Variants in SUGP2 observed in about 807,000 individuals in gnomAD.
SUGP2 encodes the protein SURP and G-patch domain-containing protein 2.
In SUGP2, 24 loss-of-function variants were observed where a neutral mutation model predicts 90.5. The ratio of observed to expected loss-of-function variants is 0.27; its 90% CI spans 0.19 to 0.37. SUGP2 has a LOEUF of 0.37. Ranked by LOEUF, SUGP2 falls within the 10% of genes least tolerant of loss-of-function variation. The pLI is 1.00. For synonymous variants in SUGP2, 473 were observed against 513.4 expected (o/e 0.92, Z 1.06); for missense variants, 1,233 against 1,363.3 (o/e 0.90, Z 1.51).
chr19:18,995,773 T>C (rs1239621164), intron 8 of SUGP2, among the ~76,000 whole-genome samples: 1 of 152,100 alleles, frequency 6.6e-6, no homozygotes, highest in Non-Finnish European at 1.5e-5. Flanking sequence ...AGTGCTTCAT[T>C]CACTCCCTGG....
Position 19,010,149 on chromosome 19 carries a change from G to C in SUGP2, c.2044C>G (p.Leu682Val). The C allele has an allele frequency of 6.2e-7, 1 of 1,612,722 alleles. No homozygotes were observed. Among genetic ancestry groups the C allele is most frequent in the African/African-American group, 1.3e-5 (1 of 74,968 alleles). Residue 682 changes from leucine (L) to valine (V), a missense_variant, in exon 5 of 11, where the codon CTC (leucine) becomes GTC (valine). Leu to Val is a conservative substitution (Grantham distance 32). Transcript: ENST00000452918. ...CCCCGGAGCCCTTGAGCACGGAGGA[G>C]CCCCCGCCGCTGCCACGGAAGGAGT... The part of the protein sequence containing the change: ...KKLLPWQRRG[L>V]LRAQGLRGWK...
intron 4 of SUGP2, among the ~76,000 whole-genome samples, chr19:19,014,369 T>G (rs1047859797): frequency 2.0e-5 from 3 of 152,092 alleles, no homozygotes; most frequent in Non-Finnish European, 2.9e-5. Flanking sequence ...TCCACAAGGC[T>G]CCAGTGGGAA....
chr19:18,994,984 T>C (rs752367430), intron 9 of SUGP2, 160 bp downstream of exon 9: 8 of 830,880 alleles, frequency 9.6e-6, no homozygotes, highest in Non-Finnish European at 1.3e-5. Flanking sequence ...CACCTGCACA[T>C]GTAAATGATC....
chr19:19,014,212 CA>C (rs2058409543), intron 4 of SUGP2, among the ~76,000 whole-genome samples: 1 of 152,144 alleles, frequency 6.6e-6, no homozygotes, highest in Non-Finnish European at 1.5e-5. Context: ...AGGCTGGTCT[CA>C]AATTCCTGAC....
rs763972693 is a variant in SUGP2 at position 19,004,333 on chromosome 19, C to A, written c.2764G>T (p.Asp922Tyr). The A allele has an allele frequency of 1.9e-6, 3 of 1,613,370 alleles. No individual in the cohort carries two copies. Among genetic ancestry groups the A allele is most frequent in the Non-Finnish European group, 2.5e-6 (3 of 1,179,572 alleles). Residue 922 changes from aspartate (D) to tyrosine (Y), a missense_variant, in exon 7 of 11, where the codon GAC becomes TAC. Asp to Tyr is a radical substitution (Grantham distance 160). Coordinates refer to ENST00000452918, the MANE Select transcript of SUGP2 (RefSeq NM_001017392.5). The stretch of plus-strand genomic sequence containing the variant: ...TCGGCAGCCTCGCCGGGAAGGCCGT[C>A]GGCAGGGGTGCTGCCCTCAGACTTG... ...AGKSEGSTPA[D>Y]GLPGEAAEDD...
intron 3 of SUGP2, 141 bp from the exon 4 acceptor site, chr19:19,019,370 AT>A (rs1231303178): frequency 2.1e-5 from 20 of 935,062 alleles, no homozygotes; most frequent in Non-Finnish European, 2.9e-5. Flanking sequence ...AGACACCAGC[AT>A]TGAAAAGAGG....
At chr19:19,018,524 A>G (rs746988206) in intron 4 of SUGP2, among the ~76,000 whole-genome samples, 19 of 151,422 alleles carry the variant, frequency 1.3e-4, no homozygotes, top group Admixed American at 7.2e-4. Flanking sequence ...CATCTCTACT[A>G]AAAACACAAA....
chr19:19,031,175 AG>A, intron 1 of SUGP2, 93 bp from the exon 2 acceptor site: 1 of 1,359,104 alleles, frequency 7.4e-7, no homozygotes, highest in South Asian at 1.4e-5. Context: ...TGGGAGGTCG[AG>A]GTGGGCGGAT....
At position 19,025,630 on chromosome 19, in the gene SUGP2, C is replaced by T. The variant is rs1384722822; in HGVS notation, c.718G>A (p.Gly240Ser). ...CTCAATGTGACAAGTTTCCCAACACCCCCCTTAGCTGTGAGCAGGCCCTGA... is the reference window on the plus strand; with the variant it reads ...CTCAATGTGACAAGTTTCCCAACACTCCCCTTAGCTGTGAGCAGGCCCTGA... ...ETQGLLTAKGGVGKLVTLRNV... is the reference protein window; with the variant it reads ...ETQGLLTAKGSVGKLVTLRNV... Residue 240 changes from glycine (G) to serine (S), a missense_variant, in exon 3 of 11, where the codon GGT becomes AGT. Physicochemically the swap from Gly to Ser is moderately conservative, Grantham distance 56. Around this residue, in one of 8 missense-constraint regions of SUGP2, gnomAD observed 418 missense variants for 399.9 expected, o/e 1.05. Transcript: ENST00000452918. The T allele has an allele frequency of 1.9e-6, 3 of 1,613,946 alleles. No homozygotes were observed. Among genetic ancestry groups the T allele is most frequent in the Admixed American group, 1.7e-5 (1 of 59,966 alleles).
chr19:18,991,311 C>G lies in SUGP2; in HGVS notation c.*2430G>C, dbSNP rs961027142. The G allele has an allele frequency of 6.6e-6, 1 of 152,522 alleles. No homozygotes were observed. Among genetic ancestry groups the G allele is most frequent in the Non-Finnish European group, 1.5e-5 (1 of 68,304 alleles). The allele number at this position is 152,522 out of a possible 1,614,324, so 9.4% of individuals were successfully genotyped here. ...GAGGGCCAGTGGCATCTCCTCTATCCCGGCTGGCCGGCAGCTGGCAGCACG... is the reference window on the plus strand; with the variant it reads ...GAGGGCCAGTGGCATCTCCTCTATCGCGGCTGGCCGGCAGCTGGCAGCACG... On this transcript the variant is annotated 3_prime_UTR_variant, in exon 11 of 11. Transcript: ENST00000452918.
intron 6 of SUGP2, 52 bp downstream of exon 6, chr19:19,008,265 T>C (rs929763020): frequency 4.9e-6 from 7 of 1,436,048 alleles, no homozygotes; most frequent in African/African-American, 4.2e-5. Flanking sequence ...ATCCTTAGAC[T>C]TTGTCTCTCT....
intron 8 of SUGP2, among the ~76,000 whole-genome samples, chr19:18,998,192 C>T (rs1046498276): frequency 6.6e-6 from 1 of 152,246 alleles, no homozygotes; most frequent in Non-Finnish European, 1.5e-5. Context: ...GCCCTCTCCC[C>T]TACAAAGAGG....
At chr19:19,026,723 C>T (rs539640037) in intron 2 of SUGP2, among the ~76,000 whole-genome samples, 1 of 152,328 alleles carries the variant, frequency 6.6e-6, no homozygotes, top group Admixed American at 6.5e-5. Context: ...CCTGCCTTCA[C>T]TGCCTCTTAG....
intron 2 of SUGP2, among the ~76,000 whole-genome samples, chr19:19,029,551 G>A (rs1178353239): frequency 4.0e-5 from 6 of 149,870 alleles, no homozygotes; most frequent in Non-Finnish European, 7.4e-5. Context: ...GCATTATCCC[G>A]CCTCAGCCTC....
intron 7 of SUGP2, among the ~76,000 whole-genome samples, chr19:19,002,402 G>C (rs2057872786): frequency 6.7e-6 from 1 of 149,518 alleles, no homozygotes; most frequent in African/African-American, 2.5e-5. Flanking sequence ...AAGAATTAAA[G>C]TCTGCCTAAA....
chr19:19,025,840 A>G lies in SUGP2; in HGVS notation c.508T>C (p.Leu170=), dbSNP rs768091386. ...AGCCTGGAAGATCCAAAGTCCCCCA[A>G]AACTGCAGAGGGACCAAAACTATAC... is the stretch of plus-strand genomic sequence containing the variant. The part of the protein sequence containing the change: ...QEYSFGPSAV[L]GDFGSSRLIE... Residue 170 remains leucine (L), a synonymous_variant, in exon 3 of 11, where the codon TTG becomes CTG. Coordinates refer to ENST00000452918, the MANE Select transcript of SUGP2 (RefSeq NM_001017392.5). The G allele has an allele frequency of 6.2e-7, 1 of 1,614,050 alleles. No individual in the cohort carries two copies. The highest frequency in any genetic ancestry group is 1.7e-5 in the Admixed American group (1 of 59,994).
At chr19:19,029,380 C>A (rs569983815) in intron 2 of SUGP2, among the ~76,000 whole-genome samples, 1 of 151,168 alleles carries the variant, frequency 6.6e-6, no homozygotes, top group Non-Finnish European at 1.5e-5. Flanking sequence ...GTGATCCGCC[C>A]GCCTCGGCCT....
intron 5 of SUGP2, among the ~76,000 whole-genome samples, chr19:19,009,359 GAGAA>G (rs2058212793): frequency 6.8e-6 from 1 of 146,494 alleles, no homozygotes; most frequent in Admixed American, 6.6e-5. Context: ...GTGGTACAGA[GAGAA>G]AGAAACAGCT....
At position 19,004,521 on chromosome 19, in the gene SUGP2, C is replaced by A; in HGVS notation, c.2576G>T (p.Gly859Val). ...NLHTGGGDTT[G>V]SQESPVDLME... ...GAGGTCCACGGGGCTCTCCTGAGAACCCGTGGTGTCACCACCACCAGTGTG... is the reference window on the plus strand; with the variant it reads ...GAGGTCCACGGGGCTCTCCTGAGAAACCGTGGTGTCACCACCACCAGTGTG... Residue 859 changes from glycine (G) to valine (V), a missense_variant, in exon 7 of 11, where the codon GGT (glycine) becomes GTT (valine). This residue lies in a region of SUGP2 where 540 missense variants were observed against 542.6 expected (regional missense o/e 1.00). Coordinates refer to ENST00000452918, the MANE Select transcript of SUGP2 (RefSeq NM_001017392.5). 6.2e-7 allele frequency: 1 copy of A among 1,614,264 alleles called. No homozygotes were observed. The highest frequency in any genetic ancestry group is 8.5e-7 in the Non-Finnish European group (1 of 1,180,044).
Sources: gnomAD v4.1 joint callset for allele counts (sites outside exome capture counted in the v4.1 genomes callset) on GRCh38, gnomAD v4.1.1 for gene constraint, gnomAD v4.1.1 regional missense constraint, MANE v1.5 for transcripts, NCBI Gene and HGNC (gene_info 2026-07-23, HGNC 2026-07-21) for gene names.